HCN2: variants seen among roughly 807,000 people sequenced by gnomAD.
The protein encoded by HCN2 is hyperpolarization activated cyclic nucleotide gated potassium and sodium channel 2.
A neutral mutation model predicts 52.3 loss-of-function variants in HCN2; 20 were observed. The ratio of observed to expected loss-of-function variants is 0.38; its 90% confidence interval spans 0.27 to 0.56. The LOEUF is 0.56. Among genes scored for constraint, HCN2 ranks in the 20% least tolerant of loss-of-function variants. HCN2 has a pLI of 0.71. For missense variants in HCN2, 981 were observed against 1,207.7 expected (o/e 0.81, Z 2.78); for synonymous variants, 694 against 537.0 (o/e 1.29, Z -4.04).
intron 3 of HCN2, 130 bp from the exon 4 acceptor site, chr19:607,834 G>C (rs1056167142): frequency 4.6e-6 from 3 of 653,866 alleles, no homozygotes; most frequent in African/African-American, 3.6e-5. Flanking sequence ...CATTTCTCTT[G>C]GTTACCTCTG....
intron 1 of HCN2, among the ~76,000 whole-genome samples, chr19:603,323 G>C (rs1983279309): frequency 6.9e-6 from 1 of 145,402 alleles, no homozygotes; most frequent in East Asian, 2.1e-4. Flanking sequence ...GGAATGCCCG[G>C]GGCTGGTCCC....
rs1448364875 is a variant in HCN2 at position 592,288 on chromosome 19, G to A, written c.632+1711G>A. On this transcript the variant is annotated intron_variant, in intron 1 of 7. Transcript: ENST00000251287. The surrounding 1 kb of genome is among the most constrained non-coding windows in gnomAD (Gnocchi z 4.8). ...TGCACCGCAGCGTGGGGGCTGGCAG[G>A]TGGAGGCCCACACCAGCCACTCCCT... is the stretch of plus-strand genomic sequence containing the variant. Among the ~76,000 whole-genome samples, 3 of 152,232 alleles carry A rather than the reference G, an allele frequency of 2.0e-5. No homozygotes were observed. Among genetic ancestry groups the A allele is most frequent in the East Asian group, 1.9e-4 (1 of 5,194 alleles).
At chr19:597,163 C>T (rs575974093) in intron 1 of HCN2, among the ~76,000 whole-genome samples, 1 of 152,376 alleles carries the variant, frequency 6.6e-6, no homozygotes, top group Non-Finnish European at 1.5e-5. Context: ...GGCCCCTCTG[C>T]TCTGACCCCC....
intron 5 of HCN2, among the ~76,000 whole-genome samples, chr19:612,801 C>A (rs1249713660): frequency 2.0e-5 from 3 of 149,426 alleles, no homozygotes; most frequent in African/African-American, 7.4e-5. Context: ...GTGGGGATCA[C>A]GGCTCACTGC....
chr19:610,223 G>A (rs1448928158), intron 4 of HCN2, 36 bp from the exon 5 acceptor site: 3 of 1,604,560 alleles, frequency 1.9e-6, no homozygotes, highest in Non-Finnish European at 2.6e-6. Context: ...GCAGGCCGGG[G>A]GCGGTGTCTG....
At chr19:613,163 G>C in intron 5 of HCN2, 85 bp from the exon 6 acceptor site, 1 of 1,490,302 alleles carries the variant, frequency 6.7e-7, no homozygotes, top group South Asian at 1.3e-5. Context: ...ACTGGGGTCC[G>C]AGAGGTGAGC....
chr19:612,051 A>T (rs919798258), intron 5 of HCN2, among the ~76,000 whole-genome samples: 1 of 152,110 alleles, frequency 6.6e-6, no homozygotes, highest in Non-Finnish European at 1.5e-5. Context: ...AGGCTGAGAC[A>T]GGAGAATCGC....
rs766829743 is a variant in HCN2, at chr19:603,722, G to T, written c.811G>T (p.Asp271Tyr). 4 of 1,612,738 alleles carry T rather than the reference G, an allele frequency of 2.5e-6. No homozygotes were observed. Among genetic ancestry groups the T allele is most frequent in the Non-Finnish European group, 3.4e-6 (4 of 1,179,778 alleles). The stretch of plus-strand genomic sequence containing the variant: ...CTTCCGCACCGGCATTGTGATCGAG[G>T]ACAACACGGAGATCATCCTGGACCC... ...LNFRTGIVIE[D>Y]NTEIILDPEK... is the part of the protein sequence containing the mutation. Residue 271 changes from aspartate to tyrosine, a missense_variant, in exon 2 of 8, where the codon GAC (aspartate) becomes TAC (tyrosine). Physicochemically the swap from Asp to Tyr is radical, Grantham distance 160. This residue lies in a region of HCN2 where 282 missense variants were observed against 553.8 expected (regional missense o/e 0.51). Coordinates refer to ENST00000251287, the MANE Select transcript of HCN2 (RefSeq NM_001194.4).
At chr19:595,937 G>A (rs1983017161) in intron 1 of HCN2, among the ~76,000 whole-genome samples, 1 of 152,160 alleles carries the variant, frequency 6.6e-6, no homozygotes, top group African/African-American at 2.4e-5. Flanking sequence ...CTCCTGCGGG[G>A]AGGGCCTGGC....
At chr19:610,480 C>G (rs566651136) in intron 5 of HCN2, 75 bp downstream of exon 5, 7 of 1,400,008 alleles carry the variant, frequency 5.0e-6, no homozygotes, top group African/African-American at 1.4e-5. Flanking sequence ...GCCCAGGAGC[C>G]GGTCCCTGAG....
chr19:613,785 G>T, intron 6 of HCN2, 67 bp from the exon 7 acceptor site: 1 of 1,412,262 alleles, frequency 7.1e-7, no homozygotes, highest in South Asian at 1.6e-5. Context: ...GCCGGGCCGT[G>T]TGCCTGGGCG....
At chr19:599,847 C>CGTGTGTGTGTGTGTGTGTGTGTGT (rs34793549) in intron 1 of HCN2, among the ~76,000 whole-genome samples, 1 of 133,302 alleles carries the variant, frequency 7.5e-6, no homozygotes, top group Non-Finnish European at 1.6e-5. Flanking sequence ...GAAGGGGTCC[C>CGTGTGTGTGTGTGTGTGTGTGTGT]GTGTGTGTGT....
At chr19:613,114 T>G (rs1983716782) in intron 5 of HCN2, 134 bp from the exon 6 acceptor site, 4 of 1,235,890 alleles carry the variant, frequency 3.2e-6, no homozygotes, top group Non-Finnish European at 4.4e-6. Context: ...AGCAGCTCGG[T>G]TCCGGCTACG....
At chr19:608,804 C>T (rs956305968) in intron 4 of HCN2, among the ~76,000 whole-genome samples, 3 of 152,226 alleles carry the variant, frequency 2.0e-5, no homozygotes, top group Non-Finnish European at 4.4e-5. Flanking sequence ...CAGGACACGC[C>T]GGTGGCCGGC....
intron 3 of HCN2, among the ~76,000 whole-genome samples, chr19:606,162 C>T (rs551289888): frequency 6.4e-4 from 97 of 152,220 alleles, no homozygotes; most frequent in African/African-American, 2.1e-3. Context: ...TGCAGTGGCA[C>T]GATCTCGGCT....
intron 1 of HCN2, among the ~76,000 whole-genome samples, chr19:601,538 C>G (rs540269406): frequency 6.7e-6 from 1 of 150,092 alleles, no homozygotes; most frequent in African/African-American, 2.5e-5. Flanking sequence ...GGTCGTCGTC[C>G]GCAGTCGAGC....
At chr19:599,511 G>A (rs1265562225) in intron 1 of HCN2, among the ~76,000 whole-genome samples, 2 of 152,136 alleles carry the variant, frequency 1.3e-5, no homozygotes, top group African/African-American at 2.4e-5. Context: ...CGGGCGCGGT[G>A]GCTCACGCCT....
Position 616,537 on chromosome 19 carries a change from C to T in HCN2, c.*63C>T. The T allele has an allele frequency of 3.0e-6, 3 of 994,622 alleles. No individual in the cohort carries two copies. The highest frequency in any genetic ancestry group is 3.2e-5 in the South Asian group (1 of 30,952). The allele number at this position is 994,622 out of a possible 1,614,324, so 61.6% of individuals were successfully genotyped here. A position where few individuals can be genotyped will look rare whatever the true frequency, so the allele number is the denominator to read the frequency against. ...GGCGGGGCCGTCATCCAGACCAAAG[C>T]CATGCCATTGCGCTGCCCCGGCCGC... is the stretch of plus-strand genomic sequence containing the variant. On this transcript the variant is annotated 3_prime_UTR_variant, in exon 8 of 8. Transcript: ENST00000251287.
In HCN2 at chr19:608,074, G is replaced by A. The variant is rs918751819; in HGVS notation, c.1329G>A (p.Leu443=). Residue 443 remains leucine (L), a synonymous_variant, in exon 4 of 8, where the codon CTG becomes CTA. Transcript: ENST00000251287. ...CCGAGAGCATGACGGACATCTGGCT[G>A]ACCATGCTCAGCATGATTGTGGGTG... is the stretch of plus-strand genomic sequence containing the variant. The part of the protein sequence containing the change: ...QAPESMTDIW[L]TMLSMIVGAT... 3 of 1,613,084 alleles carry A rather than the reference G, an allele frequency of 1.9e-6. No homozygotes were observed. The highest frequency in any genetic ancestry group is 4.5e-5 in the East Asian group (2 of 44,902).
Sources: gnomAD v4.1 joint callset for allele counts (sites outside exome capture counted in the v4.1 genomes callset) on GRCh38, gnomAD v4.1.1 for gene constraint, gnomAD v4.1.1 regional missense constraint, Gnocchi (gnomAD v3.1) non-coding constraint, MANE v1.5 for transcripts, NCBI Gene and HGNC (gene_info 2026-07-23, HGNC 2026-07-21) for gene names.